The following EXT2 variants were observed in gnomAD, a reference collection of about 807,000 sequenced individuals.
EXT2 encodes the protein exostosin glycosyltransferase 2.
A neutral mutation model predicts 81.6 loss-of-function variants in EXT2; 53 were observed. That is an observed-to-expected ratio of 0.65 (90% confidence interval 0.52 to 0.82). EXT2 has a LOEUF of 0.82. EXT2 is among the 40% of genes least tolerant of loss of function. The pLI is 0.00. For synonymous variants in EXT2, 320 were observed against 340.0 expected (o/e 0.94, Z 0.65); for missense variants, 774 against 910.2 (o/e 0.85, Z 1.93).
chr11:44,198,383 CA>C (rs370369535), intron 9 of EXT2, among the ~76,000 whole-genome samples: 1,695 of 141,510 alleles, frequency 0.012, 21 homozygotes, highest in African/African-American at 0.037. Flanking sequence ...TGTACTTTCT[CA>C]AAAAAAAAAA....
intron 9 of EXT2, 22 bp from the exon 10 acceptor site, chr11:44,206,771 A>T (rs1296829258): frequency 6.2e-7 from 1 of 1,613,758 alleles, no homozygotes; most frequent in South Asian, 1.1e-5. Context: ...GAGAATAGTA[A>T]ATACCTTTTC....
intron 10 of EXT2, among the ~76,000 whole-genome samples, chr11:44,214,275 CG>C (rs1955689868): frequency 6.6e-6 from 1 of 152,042 alleles, no homozygotes; most frequent in Admixed American, 6.6e-5. Flanking sequence ...CCACCACGCC[CG>C]GCTAATTTTT....
At chr11:44,227,119 G>A (rs774963817) in intron 10 of EXT2, among the ~76,000 whole-genome samples, 15 of 152,092 alleles carry the variant, frequency 9.9e-5, no homozygotes, top group Non-Finnish European at 2.1e-4. Flanking sequence ...ATAACTGAAC[G>A]TCCCAGATGG....
rs1471201614 is a variant in EXT2, at chr11:44,163,876, T to C, written c.1174-7735T>C. On this transcript the variant is annotated intron_variant, in intron 7 of 13. Transcript: ENST00000533608. ...TTTTGGGGTCTGTGTTTTGCTGTTT[T>C]CTCATTAATTTTGGAAAATTCTTAG... Among the ~76,000 whole-genome samples, 5 of 152,344 alleles carry C rather than the reference T, an allele frequency of 3.3e-5. No individual in the cohort carries two copies. In the East Asian group the frequency reaches 9.6e-4, roughly 29 times the overall value.
intron 8 of EXT2, 196 bp downstream of exon 8, chr11:44,171,938 G>C: frequency 1.4e-6 from 1 of 721,052 alleles, no homozygotes. Flanking sequence ...GGAAGCAGCA[G>C]CTTCCAGTGT....
intron 4 of EXT2, among the ~76,000 whole-genome samples, chr11:44,124,127 A>G (rs1483538682): frequency 1.3e-5 from 2 of 152,184 alleles, no homozygotes; most frequent in Admixed American, 6.5e-5. Flanking sequence ...CCAGATGTTA[A>G]GACTGGAGAT....
At chr11:44,208,806 A>G (rs762207460) in intron 10 of EXT2, among the ~76,000 whole-genome samples, 1 of 152,222 alleles carries the variant, frequency 6.6e-6, no homozygotes, top group Non-Finnish European at 1.5e-5. Flanking sequence ...AATAAGTGGA[A>G]GAATTGGGAT....
Position 44,192,376 on chromosome 11 carries a change from G to A in EXT2, c.1306-5453G>A, listed in dbSNP as rs1375962241. ...TTGTAATTTGTGTTTTTACTGTGCT[G>A]TCTTCCCCACTAGGTTATGTGTGTT... On this transcript the variant is annotated intron_variant, in intron 8 of 13. Coordinates refer to ENST00000533608, the MANE Select transcript of EXT2 (RefSeq NM_207122.2). Among the ~76,000 whole-genome samples, 3 of 151,900 alleles carry A rather than the reference G, an allele frequency of 2.0e-5. No homozygotes were observed. The East Asian group carries it at 5.8e-4, about 29-fold the overall frequency.
chr11:44,147,050 G>A (rs1954727727), intron 7 of EXT2, among the ~76,000 whole-genome samples: 1 of 152,138 alleles, frequency 6.6e-6, no homozygotes, highest in Non-Finnish European at 1.5e-5. Context: ...CCCCTAAAGA[G>A]AGATTGTTAA....
intron 10 of EXT2, among the ~76,000 whole-genome samples, chr11:44,231,363 C>T (rs1217747114): frequency 6.6e-6 from 1 of 152,128 alleles, no homozygotes; most frequent in Non-Finnish European, 1.5e-5. Context: ...GAGAGAATGA[C>T]TTGTCTAGGG....
At chr11:44,242,978 AT>A (rs779843321) in intron 13 of EXT2, among the ~76,000 whole-genome samples, 12 of 152,204 alleles carry the variant, frequency 7.9e-5, no homozygotes, top group Non-Finnish European at 1.6e-4. Context: ...ATAGAAAGCA[AT>A]TTTAACACAG....
intron 8 of EXT2, among the ~76,000 whole-genome samples, chr11:44,188,347 A>G (rs1368516960): frequency 2.0e-5 from 3 of 152,212 alleles, no homozygotes; most frequent in Non-Finnish European, 4.4e-5. Context: ...AACTTCTTGG[A>G]TGAAGCTAGG....
chr11:44,125,550 T>C (rs868692374), intron 5 of EXT2, among the ~76,000 whole-genome samples: 1 of 152,104 alleles, frequency 6.6e-6, no homozygotes, highest in Admixed American at 6.6e-5. Context: ...TCTTTGGGGA[T>C]GTTTTATATG....
intron 4 of EXT2, among the ~76,000 whole-genome samples, chr11:44,123,332 A>T (rs773198800): frequency 2.0e-5 from 3 of 152,102 alleles, no homozygotes; most frequent in Non-Finnish European, 2.9e-5. Context: ...GGGTTCACAA[A>T]CTCTAGGTTG....
chr11:44,240,162 A>C (rs1389273507), intron 13 of EXT2, among the ~76,000 whole-genome samples: 1 of 152,186 alleles, frequency 6.6e-6, no homozygotes, highest in African/African-American at 2.4e-5. Flanking sequence ...TTGGATATGG[A>C]TGGCTAACTG....
At chr11:44,159,569 C>A (rs879391699) in intron 7 of EXT2, among the ~76,000 whole-genome samples, 1 of 152,084 alleles carries the variant, frequency 6.6e-6, no homozygotes, top group Non-Finnish European at 1.5e-5. Flanking sequence ...TCCATTAGAA[C>A]CTTTAGCATA....
chr11:44,130,672 C>T, intron 7 of EXT2, among the ~76,000 whole-genome samples: 1 of 152,254 alleles, frequency 6.6e-6, no homozygotes, highest in East Asian at 1.9e-4. Flanking sequence ...GTCTCATACT[C>T]CACTTGATGT....
At chr11:44,147,621 C>T (rs1954735963) in intron 7 of EXT2, among the ~76,000 whole-genome samples, 1 of 151,964 alleles carries the variant, frequency 6.6e-6, no homozygotes, top group South Asian at 2.1e-4. Context: ...AGTGCAGTGG[C>T]GTGATCTCTG....
Position 44,250,912 on chromosome 11 carries a change from A to G in EXT2, c.*6625A>G, listed in dbSNP as rs1374286715. ...GTTTCTCATTAAGGGGATAACAGCC[A>G]CAATTGAGGTAATTAACGAAAATTG... On this transcript the variant is annotated 3_prime_UTR_variant, in exon 14 of 14. Coordinates refer to ENST00000533608, the MANE Select transcript of EXT2 (RefSeq NM_207122.2). 1.3e-5 allele frequency among the ~76,000 whole-genome samples: 2 copies of G among 152,230 alleles called. No homozygotes were observed. Among genetic ancestry groups the G allele is most frequent in the Non-Finnish European group, 2.9e-5 (2 of 68,040 alleles).
Sources: allele counts gnomAD v4.1 joint callset (sites outside exome capture counted in the v4.1 genomes callset), GRCh38; gene constraint gnomAD v4.1.1; transcripts MANE v1.5; gene names NCBI Gene and HGNC (gene_info 2026-07-23, HGNC 2026-07-21).